Variants in CBLN2 observed in about 807,000 individuals in gnomAD.
CBLN2 encodes cerebellin 2 precursor.
A neutral mutation model predicts 15.0 loss-of-function variants in CBLN2; 7 were observed. That is an observed-to-expected ratio of 0.47 (90% CI 0.27 to 0.88). The LOEUF is 0.88. Ranked by LOEUF, CBLN2 falls within the 40% of genes least tolerant of loss-of-function variation. The pLI is 0.14. For missense variants in CBLN2, 242 were observed against 304.5 expected, an observed-to-expected ratio of 0.79 and a Z score of 1.53; for synonymous variants, 149 against 135.2, an observed-to-expected ratio of 1.10 and a Z score of -0.71.
chr18:72,618,439 G>A (rs1188446471), intron 1 of CBLN2: 2 of 644,456 alleles, frequency 3.1e-6, no homozygotes, highest in Non-Finnish European at 5.8e-6. Flanking sequence ...AGGAGCTTTG[G>A]GTTTGTCACA....
intron 1 of CBLN2, among the ~76,000 whole-genome samples, chr18:72,616,911 A>G (rs1385513535): frequency 2.0e-5 from 3 of 152,194 alleles, no homozygotes; most frequent in Non-Finnish European, 4.4e-5. Flanking sequence ...CTCTTATGGT[A>G]TGTATGCAAT....
In CBLN2 at chr18:72,538,724, C is replaced by T; in HGVS notation, c.406G>A (p.Val136Ile). 2 of 1,613,958 alleles carry T rather than the reference C, an allele frequency of 1.2e-6. No individual in the cohort carries two copies. Among genetic ancestry groups the T allele is most frequent in the Non-Finnish European group, 1.7e-6 (2 of 1,180,004 alleles). The part of the protein sequence containing the change: ...NHFDLASSIF[V>I]APRKGIYSFS... ...CTATAAATCCCTTTTCTCGGTGCTA[C>T]AAATATACTGGAAGCAAGATCAAAG... is the stretch of plus-strand genomic sequence containing the variant. Residue 136 changes from valine (V) to isoleucine (I), a missense_variant, in exon 4 of 5, where the codon GTA (valine) becomes ATA (isoleucine). By Grantham distance (29) the Val-to-Ile change is conservative. This residue lies in a region of CBLN2 where 89 missense variants were observed against 114.2 expected (regional missense o/e 0.78). Transcript: ENST00000269503.
At chr18:72,606,034 G>A (rs1237678263) in intron 1 of CBLN2, among the ~76,000 whole-genome samples, 1 of 152,220 alleles carries the variant, frequency 6.6e-6, no homozygotes, top group Non-Finnish European at 1.5e-5. Flanking sequence ...GTGGAGTTAA[G>A]CAGCCAGTCC....
intron 1 of CBLN2, among the ~76,000 whole-genome samples, chr18:72,604,126 T>C (rs1392135356): frequency 6.6e-6 from 1 of 152,216 alleles, no homozygotes; most frequent in East Asian, 1.9e-4. Flanking sequence ...CACTGATCTC[T>C]TCTTCCTCAA....
At chr18:72,547,448 C>G (rs2069165862), upstream of CBLN2, among the ~76,000 whole-genome samples, 1 of 151,994 alleles carries the variant, frequency 6.6e-6, no homozygotes, top group South Asian at 2.1e-4. Context: ...CATGTACCCC[C>G]TAAATCTATT....
chr18:72,588,685 T>C (rs1051900005), intron 1 of CBLN2, among the ~76,000 whole-genome samples: 1 of 152,198 alleles, frequency 6.6e-6, no homozygotes, highest in Non-Finnish European at 1.5e-5. Flanking sequence ...GGAAAGCTCC[T>C]CTTGGGGTAG....
chr18:72,602,242 C>G (rs937983983), intron 1 of CBLN2, among the ~76,000 whole-genome samples: 6 of 152,194 alleles, frequency 3.9e-5, no homozygotes, highest in African/African-American at 1.4e-4. Flanking sequence ...TCAAGGACAT[C>G]CTGGGATCAC....
At chr18:72,554,180 C>T (rs781467685) in intron 1 of CBLN2, among the ~76,000 whole-genome samples, 31 of 151,612 alleles carry the variant, frequency 2.0e-4, no homozygotes, top group Non-Finnish European at 3.7e-4. Context: ...TTTTCATTAC[C>T]CTTTTTTTTT....
chr18:72,581,108 G>A (rs549407976), intron 1 of CBLN2, among the ~76,000 whole-genome samples: 1 of 152,144 alleles, frequency 6.6e-6, no homozygotes, highest in South Asian at 2.1e-4. Flanking sequence ...TCTATCCACT[G>A]ACTGCCTCAC....
chr18:72,628,482 C>G (rs926122957), intron 1 of CBLN2, among the ~76,000 whole-genome samples: 1 of 152,198 alleles, frequency 6.6e-6, no homozygotes, highest in Non-Finnish European at 1.5e-5. Flanking sequence ...AAGGGCTAGA[C>G]TGGCCTGTCT....
chr18:72,625,840 A>ATATATG (rs2069735642), intron 1 of CBLN2, among the ~76,000 whole-genome samples: 1 of 140,194 alleles, frequency 7.1e-6, no homozygotes, highest in African/African-American at 2.6e-5. Flanking sequence ...ATATATATAT[A>ATATATG]TATAGTACAC....
At chr18:72,549,222 G>A (rs1437787394), upstream of CBLN2, among the ~76,000 whole-genome samples, 1 of 152,090 alleles carries the variant, frequency 6.6e-6, no homozygotes, top group East Asian at 1.9e-4. Flanking sequence ...ATGTTGGCCA[G>A]GCTGGTCTGG....
chr18:72,586,409 C>G lies in CBLN2; in HGVS notation c.16-47637G>C, dbSNP rs143952199. Among the ~76,000 whole-genome samples, 8 of 152,234 alleles carry G rather than the reference C, an allele frequency of 5.3e-5. No homozygotes were observed. In the East Asian group the frequency reaches 1.4e-3, roughly 26 times the overall value. On this transcript the variant is annotated intron_variant, in intron 1 of 2. Coordinates refer to the CBLN2 transcript ENST00000581073. ...AATTTGCCATAAATTTCTTTACCAA[C>G]ACTGTTATGTCCAAAACTTCTTAAA...
chr18:72,586,950 A>G (rs932513408), intron 1 of CBLN2, among the ~76,000 whole-genome samples: 2 of 151,558 alleles, frequency 1.3e-5, no homozygotes, highest in African/African-American at 4.8e-5. Context: ...TAACTATGAT[A>G]TATATATATA....
chr18:72,600,746 C>T (rs781195427), intron 1 of CBLN2, among the ~76,000 whole-genome samples: 28 of 152,100 alleles, frequency 1.8e-4, no homozygotes, highest in Non-Finnish European at 3.1e-4. Context: ...ATCAGTCTCC[C>T]CAAAGGCTTG....
chr18:72,549,371 G>A (rs2069178084), intron 1 of CBLN2, among the ~76,000 whole-genome samples: 1 of 152,224 alleles, frequency 6.6e-6, no homozygotes, highest in Non-Finnish European at 1.5e-5. Flanking sequence ...CACACATTGA[G>A]TAGCAAAGAT....
chr18:72,581,129 G>T (rs958474656), intron 1 of CBLN2, among the ~76,000 whole-genome samples: 4 of 152,152 alleles, frequency 2.6e-5, no homozygotes, highest in Admixed American at 2.6e-4. Context: ...TCTGCTCTTT[G>T]ATATAAATCC....
At chr18:72,600,054 A>C (rs1171631226) in intron 1 of CBLN2, among the ~76,000 whole-genome samples, 2 of 152,194 alleles carry the variant, frequency 1.3e-5, no homozygotes, top group African/African-American at 4.8e-5. Flanking sequence ...CTCATTTGTC[A>C]CTGCAGAAGC....
chr18:72,607,241 C>T (rs886958466), intron 1 of CBLN2, among the ~76,000 whole-genome samples: 1 of 152,148 alleles, frequency 6.6e-6, no homozygotes, highest in African/African-American at 2.4e-5. Flanking sequence ...GGCTCCAGAA[C>T]TGTGAGATAA....
Sources: allele counts gnomAD v4.1 joint callset (sites outside exome capture counted in the v4.1 genomes callset), GRCh38; gene constraint gnomAD v4.1.1; regional missense constraint gnomAD v4.1.1; transcripts MANE v1.5; gene names NCBI Gene and HGNC (gene_info 2026-07-23, HGNC 2026-07-21).